GLI2: variants seen among roughly 807,000 people sequenced by gnomAD.
GLI2 encodes the protein GLI family zinc finger 2.
Under a neutral mutation model 78.9 loss-of-function variants are expected in GLI2, and 22 were observed. That is an observed-to-expected ratio of 0.28 (90% CI 0.20 to 0.40). The LOEUF is 0.40. Among genes scored for constraint, GLI2 ranks in the 10% least tolerant of loss-of-function variants. The pLI is 1.00. For synonymous variants in GLI2, 974 were observed against 963.7 expected (o/e 1.01, Z -0.20); for missense variants, 2,097 against 2,213.2 (o/e 0.95, Z 1.05).
chr2:120,978,337 C>A (rs1453080063), intron 9 of GLI2, 97 bp from the exon 10 acceptor site: 3 of 1,352,220 alleles, frequency 2.2e-6, no homozygotes, highest in Non-Finnish European at 3.2e-6. Context: ...TCGGGGAGGG[C>A]TGGGGGGGTG....
At chr2:120,852,514 C>T (rs865843492) in intron 2 of GLI2, among the ~76,000 whole-genome samples, 5 of 152,134 alleles carry the variant, frequency 3.3e-5, no homozygotes, top group Admixed American at 6.5e-5. Context: ...GACTGAGGGA[C>T]GAGTGTGTTT....
intron 2 of GLI2, among the ~76,000 whole-genome samples, chr2:120,827,612 A>G (rs1415790602): frequency 6.6e-6 from 1 of 152,218 alleles, no homozygotes; most frequent in Non-Finnish European, 1.5e-5. Context: ...CTTATTCACA[A>G]TAGCCAAAAA....
intron 2 of GLI2, 27 bp from the exon 3 acceptor site, chr2:120,927,334 G>T (rs1189533942): frequency 1.3e-6 from 2 of 1,541,700 alleles, no homozygotes. Flanking sequence ...AGTTTTTGAA[G>T]TCTTGTTTCT....
intron 1 of GLI2, among the ~76,000 whole-genome samples, chr2:120,777,170 T>G (rs999519126): frequency 3.3e-5 from 5 of 152,188 alleles, no homozygotes; most frequent in Non-Finnish European, 7.4e-5. Flanking sequence ...TAGGAACATA[T>G]GACTATGCGT....
intron 2 of GLI2, among the ~76,000 whole-genome samples, chr2:120,873,657 A>G (rs1415222621): frequency 1.3e-5 from 2 of 152,122 alleles, no homozygotes; most frequent in African/African-American, 4.8e-5. Context: ...TGCAGTCTAC[A>G]TTTTGGTCCG....
rs1280342615 is a variant in GLI2 at position 120,773,710 on chromosome 2, C to CGCAGGTG, written c.-30-23568_-30-23562dup. Among the ~76,000 whole-genome samples the CGCAGGTG allele has an allele frequency of 6.6e-5, 10 of 152,180 alleles. No individual in the cohort carries two copies. The East Asian group carries it at 1.9e-3, about 29-fold the overall frequency. The stretch of plus-strand genomic sequence containing the variant: ...GCCAGCAGAACTGCATGTGCATAGT[C>CGCAGGTG]GCAGGTGGCAGGTGGCAGGCAGCAC... On this transcript the variant is annotated intron_variant, in intron 1 of 13. Coordinates refer to ENST00000361492, the MANE Select transcript of GLI2 (RefSeq NM_001374353.1).
intron 2 of GLI2, among the ~76,000 whole-genome samples, chr2:120,858,908 G>T (rs765030449): frequency 2.0e-5 from 3 of 152,188 alleles, no homozygotes; most frequent in East Asian, 3.9e-4. Context: ...AGGGCCATGG[G>T]TTTTGCAACG....
chr2:120,783,543 A>G (rs1683907903), intron 1 of GLI2, among the ~76,000 whole-genome samples: 1 of 152,032 alleles, frequency 6.6e-6, no homozygotes, highest in Admixed American at 6.5e-5. Flanking sequence ...AGAGTCATCG[A>G]AAGGAGAGGG....
chr2:120,883,998 CT>C (rs1309604596), intron 2 of GLI2, among the ~76,000 whole-genome samples: 1 of 152,216 alleles, frequency 6.6e-6, no homozygotes, highest in Non-Finnish European at 1.5e-5. Context: ...CAGGCCACCC[CT>C]GTGTTCCTGC....
At chr2:120,961,099 C>T (rs1186575007) in intron 5 of GLI2, among the ~76,000 whole-genome samples, 1 of 152,188 alleles carries the variant, frequency 6.6e-6, no homozygotes, top group East Asian at 1.9e-4. Flanking sequence ...CAGCCACCCC[C>T]TCCCCCTCCA....
At chr2:120,963,462 C>T (rs544038997) in intron 5 of GLI2, among the ~76,000 whole-genome samples, 11 of 147,000 alleles carry the variant, frequency 7.5e-5, no homozygotes, top group Admixed American at 3.3e-4. Context: ...TGTGCGCGCA[C>T]GCGCATCCAC....
rs1383099795 is a variant in GLI2, at chr2:120,989,147, T to C, written c.3182T>C (p.Leu1061Pro). 6.2e-7 allele frequency: 1 copy of C among 1,613,084 alleles called. No individual in the cohort carries two copies. Among genetic ancestry groups the C allele is most frequent in the Non-Finnish European group, 8.5e-7 (1 of 1,179,990 alleles). ...ATCAAGGCGCACGCCAGTGGCGCTC[T>C]GGACGAGGGCACCGGGCAGGTGTAT... ...QYIKAHASGA[L>P]DEGTGQVYPT... is the part of the protein sequence containing the mutation. Residue 1061 changes from leucine (L) to proline (P), a missense_variant, in exon 14 of 14, where the codon CTG (leucine) becomes CCG (proline). By Grantham distance (98) the Leu-to-Pro change is moderately conservative. This residue lies in a region of GLI2 where 1,290 missense variants were observed against 1,261.7 expected (regional missense o/e 1.02). Coordinates refer to ENST00000361492, the MANE Select transcript of GLI2 (RefSeq NM_001374353.1).
chr2:120,974,895 G>T lies in GLI2; in HGVS notation c.1183-80G>T. The T allele has an allele frequency of 1.9e-6, 3 of 1,610,696 alleles. No individual in the cohort carries two copies. The South Asian group carries it at 3.3e-5, about 18-fold the overall frequency. On this transcript the variant is annotated intron_variant, in intron 8 of 13. Transcript: ENST00000361492. Reference sequence around the variant, plus strand: ...CAGCCCAGGGTCCTTGGCACAGAATGCATGGGACTAACAGCGACCTCTTTT... The same window carrying T: ...CAGCCCAGGGTCCTTGGCACAGAATTCATGGGACTAACAGCGACCTCTTTT...
At chr2:120,752,907 C>G (rs1483212379) in intron 1 of GLI2, among the ~76,000 whole-genome samples, 3 of 152,126 alleles carry the variant, frequency 2.0e-5, no homozygotes, top group Non-Finnish European at 4.4e-5. Context: ...GGGCGGGATA[C>G]CACTGTATGG....
At chr2:120,977,801 C>T (rs1442193339) in intron 9 of GLI2, among the ~76,000 whole-genome samples, 3 of 152,218 alleles carry the variant, frequency 2.0e-5, no homozygotes, top group Admixed American at 6.5e-5. Context: ...GGCTCCACCA[C>T]GCCGACTGCC....
chr2:120,824,262 AGAGAG>A (rs1685927697), intron 2 of GLI2, among the ~76,000 whole-genome samples: 1 of 152,190 alleles, frequency 6.6e-6, no homozygotes, highest in African/African-American at 2.4e-5. Context: ...GTAGGGGGAT[AGAGAG>A]GGAGGAAGAG....
At chr2:120,862,777 TG>T (rs1687962672) in intron 2 of GLI2, among the ~76,000 whole-genome samples, 2 of 152,226 alleles carry the variant, frequency 1.3e-5, no homozygotes, top group Non-Finnish European at 2.9e-5. Context: ...ACAGCCAAAG[TG>T]GAAGGCTGGC....
At chr2:120,807,743 G>A (rs1486707488) in intron 2 of GLI2, among the ~76,000 whole-genome samples, 19 of 152,150 alleles carry the variant, frequency 1.2e-4, no homozygotes, top group Non-Finnish European at 2.4e-4. Flanking sequence ...ATCTGAGGCC[G>A]AGTCTAGTGG....
chr2:120,805,160 G>A (rs1053151090), intron 2 of GLI2, among the ~76,000 whole-genome samples: 7 of 152,222 alleles, frequency 4.6e-5, no homozygotes, highest in East Asian at 1.9e-4. Flanking sequence ...AACGGCTGCC[G>A]TCCAGAATCA....
Sources: allele counts gnomAD v4.1 joint callset (sites outside exome capture counted in the v4.1 genomes callset), GRCh38; gene constraint gnomAD v4.1.1; regional missense constraint gnomAD v4.1.1; transcripts MANE v1.5; gene names NCBI Gene and HGNC (gene_info 2026-07-23, HGNC 2026-07-21).